The following HMGB1 variants were observed in gnomAD, a reference collection of about 807,000 sequenced individuals.
HMGB1 encodes the protein high mobility group box 1, also known as high mobility group protein B1.
For synonymous variants in HMGB1, 81 were observed against 84.0 expected (o/e 0.96, Z 0.19); for missense variants, 79 against 253.5 (o/e 0.31, Z 4.67).
chr13:30,609,595 T>G (rs1470804459), intron 1 of HMGB1, among the ~76,000 whole-genome samples: 1 of 152,138 alleles, frequency 6.6e-6, no homozygotes, highest in Non-Finnish European at 1.5e-5. Flanking sequence ...GAACAACCCG[T>G]CCTGTTTATT....
chr13:30,593,895 A>G (rs115645477), intron 1 of HMGB1, among the ~76,000 whole-genome samples: 295 of 152,372 alleles, frequency 1.9e-3, no homozygotes, highest in African/African-American at 6.7e-3. Context: ...GAAGGAGACT[A>G]AAGTTAAATG....
chr13:30,605,620 T>C (rs551789448), intron 1 of HMGB1, among the ~76,000 whole-genome samples: 28 of 152,334 alleles, frequency 1.8e-4, no homozygotes, highest in South Asian at 4.1e-4. Flanking sequence ...AATAAAAGTC[T>C]CACAGGTCTG....
chr13:30,524,701 AAT>A (rs1491054365), intron 1 of HMGB1, among the ~76,000 whole-genome samples: 3,644 of 15,702 alleles, frequency 0.23, 116 homozygotes, highest in East Asian at 0.32. Context: ...AAATAAAATA[AAT>A]AATAATAATA....
At chr13:30,606,309 ATTTG>A (rs1381213887) in intron 1 of HMGB1, among the ~76,000 whole-genome samples, 1 of 152,128 alleles carries the variant, frequency 6.6e-6, no homozygotes, top group Non-Finnish European at 1.5e-5. Context: ...TTATTCCAAG[ATTTG>A]TTTTTCATTT....
At position 30,459,993 on chromosome 13, in the gene HMGB1, G is replaced by A. The variant is rs1010399545; in HGVS notation, c.*1364C>T. On this transcript the variant is annotated 3_prime_UTR_variant, in exon 5 of 5. Coordinates refer to ENST00000341423, the MANE Select transcript of HMGB1 (RefSeq NM_002128.7). ...CAAAACAGCACTCCATCACAAAAGC[G>A]TGTAAAATTACAAGAACGCTATTTT... 1.3e-5 allele frequency: 2 copies of A among 152,518 alleles called. No homozygotes were observed. The highest frequency in any genetic ancestry group is 2.9e-5 in the Non-Finnish European group (2 of 68,002). 9.4% of individuals were successfully genotyped at this position (152,518 alleles called of 1,614,324 possible).
At chr13:30,514,506 G>C (rs1316902311) in intron 1 of HMGB1, among the ~76,000 whole-genome samples, 1 of 151,348 alleles carries the variant, frequency 6.6e-6, no homozygotes, top group Non-Finnish European at 1.5e-5. Context: ...AAAACTCTAG[G>C]TGACCTTTCT....
chr13:30,608,051 C>T lies in HMGB1; in HGVS notation c.-15+8620G>A, dbSNP rs114421758. Among the ~76,000 whole-genome samples the T allele has an allele frequency of 1.9e-3, 292 of 152,154 alleles. 2 individuals carry two copies. Among genetic ancestry groups the T allele is most frequent in the African/African-American group, 6.5e-3 (270 of 41,532 alleles). ...CAGCACAGTGACAGTAGGTCACTTC[C>T]GAGGTTAGGTTGTGAAAGACACTGT... On this transcript the variant is annotated intron_variant, in intron 1 of 4. Coordinates refer to the HMGB1 transcript ENST00000405805.
chr13:30,613,011 G>C (rs563223150), intron 1 of HMGB1, among the ~76,000 whole-genome samples: 4 of 152,256 alleles, frequency 2.6e-5, no homozygotes, highest in African/African-American at 9.6e-5. Context: ...AGAGGATGTA[G>C]GTTTTAGTAC....
chr13:30,523,579 T>C (rs1888286801), intron 1 of HMGB1, among the ~76,000 whole-genome samples: 1 of 152,012 alleles, frequency 6.6e-6, no homozygotes, highest in African/African-American at 2.4e-5. Flanking sequence ...TACAACAAAA[T>C]GATATTAGGA....
At chr13:30,555,875 T>C (rs1478636525) in intron 1 of HMGB1, among the ~76,000 whole-genome samples, 1 of 152,162 alleles carries the variant, frequency 6.6e-6, no homozygotes, top group Non-Finnish European at 1.5e-5. Flanking sequence ...CAAAAAGGAA[T>C]GTATAAGGAT....
Position 30,460,662 on chromosome 13 carries a change from T to C in HMGB1, c.*695A>G, listed in dbSNP as rs1886264866. The C allele has an allele frequency of 6.6e-6, 1 of 152,612 alleles. No homozygotes were observed. The highest frequency in any genetic ancestry group is 1.5e-5 in the Non-Finnish European group (1 of 68,010). 9.5% of individuals were successfully genotyped at this position (152,612 alleles called of 1,614,324 possible). A position where few individuals can be genotyped will look rare whatever the true frequency, so the allele number is the denominator to read the frequency against. ...AGTTTGTAAATGTAAGTGGGCTATG[T>C]GAAATTTCTTAACTGATCAAGATTT... On this transcript the variant is annotated 3_prime_UTR_variant, in exon 5 of 5. Transcript: ENST00000341423.
At chr13:30,498,049 G>A (rs1178917579) in intron 1 of HMGB1, among the ~76,000 whole-genome samples, 1 of 152,156 alleles carries the variant, frequency 6.6e-6, no homozygotes, top group African/African-American at 2.4e-5. Flanking sequence ...TTTCCACAGT[G>A]GCTGGACTAA....
chr13:30,607,262 T>C (rs1377360295), intron 1 of HMGB1, among the ~76,000 whole-genome samples: 1 of 152,208 alleles, frequency 6.6e-6, no homozygotes, highest in Non-Finnish European at 1.5e-5. Context: ...CTATTATCAC[T>C]CATATGGTTT....
At chr13:30,503,786 G>A (rs1209573881) in intron 1 of HMGB1, among the ~76,000 whole-genome samples, 2 of 151,610 alleles carry the variant, frequency 1.3e-5, no homozygotes, top group Non-Finnish European at 2.9e-5. Flanking sequence ...GGGTGATACC[G>A]TAGTGTCTGT....
chr13:30,507,318 T>G (rs17074676), intron 1 of HMGB1, among the ~76,000 whole-genome samples: 7,416 of 152,264 alleles, frequency 0.049, 217 homozygotes, highest in Middle Eastern at 0.12. Flanking sequence ...GGTGGGCATT[T>G]CACCTCACAC....
intron 1 of HMGB1, among the ~76,000 whole-genome samples, chr13:30,562,047 C>A (rs1008919527): frequency 1.3e-5 from 2 of 152,250 alleles, no homozygotes; most frequent in African/African-American, 4.8e-5. Context: ...CTTGGCCGGG[C>A]GCAGTGGCTC....
intron 1 of HMGB1, among the ~76,000 whole-genome samples, chr13:30,520,276 C>G (rs528393055): frequency 6.6e-6 from 1 of 151,698 alleles, no homozygotes; most frequent in African/African-American, 2.4e-5. Context: ...GAGCCAAGAT[C>G]GGGCCACTAC....
chr13:30,482,969 CG>C (rs1306430819), intron 1 of HMGB1, among the ~76,000 whole-genome samples: 1 of 148,198 alleles, frequency 6.7e-6, no homozygotes, highest in Non-Finnish European at 1.5e-5. Flanking sequence ...TTTTTTTTTC[CG>C]TAGAGACAGG....
At chr13:30,506,506 C>T (rs1887872424) in intron 1 of HMGB1, among the ~76,000 whole-genome samples, 1 of 152,164 alleles carries the variant, frequency 6.6e-6, no homozygotes, top group African/African-American at 2.4e-5. Flanking sequence ...TGCCCTCACA[C>T]TTCTCCTTCC....
Sources: gnomAD v4.1 joint callset for allele counts (sites outside exome capture counted in the v4.1 genomes callset) on GRCh38, gnomAD v4.1.1 for gene constraint, MANE v1.5 for transcripts, NCBI Gene and HGNC (gene_info 2026-07-23, HGNC 2026-07-21) for gene names.